Variants in VWA3B observed in about 807,000 individuals in gnomAD.
VWA3B encodes von Willebrand factor A domain containing 3B.
A neutral mutation model predicts 158.3 loss-of-function variants in VWA3B; 138 were observed. The observed-to-expected ratio is 0.87, with a 90% CI of 0.76 to 1.00. The LOEUF is 1.00. Ranked by LOEUF, VWA3B falls within the 50% of genes least tolerant of loss-of-function variation. The pLI is 0.00. For synonymous variants in VWA3B, 596 were observed against 587.3 expected (o/e 1.01, Z -0.21); for missense variants, 1,555 against 1,565.1 (o/e 0.99, Z 0.11).
intron 12 of VWA3B, among the ~76,000 whole-genome samples, chr2:98,196,317 A>T (rs1682035790): frequency 6.6e-6 from 1 of 152,336 alleles, no homozygotes; most frequent in South Asian, 2.1e-4. Flanking sequence ...TTTGTTAATT[A>T]GCTTGGTTTA....
intron 14 of VWA3B, among the ~76,000 whole-genome samples, chr2:98,226,789 A>G (rs574227389): frequency 6.6e-6 from 1 of 152,368 alleles, no homozygotes; most frequent in African/African-American, 2.4e-5. Flanking sequence ...ACTGAAGAGA[A>G]TCTACAGATG....
chr2:98,328,581 T>A, the VWA3B span, among the ~76,000 whole-genome samples: 2 of 152,144 alleles, frequency 1.3e-5, no homozygotes, highest in African/African-American at 2.4e-5. Context: ...AATCTTAAAA[T>A]TTTTAATTTA....
At chr2:98,260,650 TA>T (rs1286045814) in intron 21 of VWA3B, among the ~76,000 whole-genome samples, 2 of 151,776 alleles carry the variant, frequency 1.3e-5, no homozygotes, top group Non-Finnish European at 3.0e-5. Context: ...TACCAAGGCA[TA>T]ACTATACATA....
the VWA3B span, among the ~76,000 whole-genome samples, chr2:98,328,951 T>C: frequency 6.6e-6 from 1 of 152,134 alleles, no homozygotes; most frequent in African/African-American, 2.4e-5. Context: ...AAAGCTACAT[T>C]AAACAATAAG....
chr2:98,208,572 T>C (rs1340591765), intron 12 of VWA3B, among the ~76,000 whole-genome samples: 1 of 152,150 alleles, frequency 6.6e-6, no homozygotes, highest in Non-Finnish European at 1.5e-5. Flanking sequence ...TACATATATG[T>C]AACTTATCAC....
At chr2:98,267,041 T>C (rs987014746) in intron 21 of VWA3B, among the ~76,000 whole-genome samples, 3 of 151,898 alleles carry the variant, frequency 2.0e-5, no homozygotes, top group Non-Finnish European at 2.9e-5. Context: ...CCTTTATTTT[T>C]TTCTCCTACC....
At chr2:98,131,043 T>TG (rs1482690617) in intron 6 of VWA3B, among the ~76,000 whole-genome samples, 7 of 152,218 alleles carry the variant, frequency 4.6e-5, no homozygotes, top group Non-Finnish European at 1.0e-4. Context: ...TCTCACTGTA[T>TG]GAACCTACTC....
rs1369986379 is a variant in VWA3B, at chr2:98,093,075, T to G, written c.-18T>G. The G allele has an allele frequency of 3.1e-6, 5 of 1,611,564 alleles. No individual in the cohort carries two copies. Among genetic ancestry groups the G allele is most frequent in the Non-Finnish European group, 4.2e-6 (5 of 1,178,102 alleles). Reference sequence around the variant, plus strand: ...TGCCCTTACAGGAGTTTGCTGTGACTTAGATCTTGATTCAGAGATGGAGAA... The same window carrying G: ...TGCCCTTACAGGAGTTTGCTGTGACGTAGATCTTGATTCAGAGATGGAGAA... On this transcript the variant is annotated 5_prime_UTR_variant, in exon 2 of 28. Coordinates refer to ENST00000477737, the MANE Select transcript of VWA3B (RefSeq NM_144992.5).
At position 98,255,270 on chromosome 2, in the gene VWA3B, G is replaced by A. The variant is rs541157258; in HGVS notation, c.2793-854G>A. 7.6e-5 allele frequency among the ~76,000 whole-genome samples: 11 copies of A among 144,486 alleles called. No individual in the cohort carries two copies. The Admixed American group carries it at 7.8e-4, about 10-fold the overall frequency. 94.8% of individuals were successfully genotyped at this position (144,486 alleles called of 152,430 possible). A position where few individuals can be genotyped will look rare whatever the true frequency, so the allele number is the denominator to read the frequency against. Reference sequence around the variant, plus strand: ...TGGTCTCGAACTCCTGACCTCAGGTGATCCGCCCGCCTCGGCCTCCCAAAG... The same window carrying A: ...TGGTCTCGAACTCCTGACCTCAGGTAATCCGCCCGCCTCGGCCTCCCAAAG... On this transcript the variant is annotated intron_variant, in intron 20 of 27. Transcript: ENST00000477737.
At position 98,168,473 on chromosome 2, in the gene VWA3B, A is replaced by G. The variant is rs77462110; in HGVS notation, c.1114+5497A>G. Among the ~76,000 whole-genome samples, 328 of 152,222 alleles carry G rather than the reference A, an allele frequency of 2.2e-3. 2 individuals are homozygous for G. The highest frequency in any genetic ancestry group is 2.6e-3 in the Non-Finnish European group (174 of 68,014). ...AAAATTCTTTGAATGTCCTATCTCT[A>G]TTTAAAAAGGAAAGTTTGGCCGGGA... is the stretch of plus-strand genomic sequence containing the variant. On this transcript the variant is annotated intron_variant, in intron 8 of 27. Transcript: ENST00000477737.
At chr2:98,270,553 C>G (rs767893695) in intron 21 of VWA3B, 129 bp from the exon 22 acceptor site, 1 of 925,342 alleles carries the variant, frequency 1.1e-6, no homozygotes, top group African/African-American at 1.7e-5. Flanking sequence ...ACACCTGACA[C>G]TAGCTTCAAC....
intron 8 of VWA3B, among the ~76,000 whole-genome samples, chr2:98,168,972 C>T (rs774822921): frequency 3.9e-5 from 6 of 152,022 alleles, no homozygotes; most frequent in Middle Eastern, 6.3e-3. Context: ...AAACTATAGA[C>T]CCAGAGATCC....
intron 2 of VWA3B, among the ~76,000 whole-genome samples, chr2:98,101,293 A>G (rs568738489): frequency 4.6e-5 from 7 of 152,322 alleles, no homozygotes; most frequent in African/African-American, 1.7e-4. Context: ...TATACAACGT[A>G]TATATACTTT....
chr2:98,179,828 TTTTCTTTCTTTCTTTCTC>T (rs1680373996), intron 8 of VWA3B, among the ~76,000 whole-genome samples: 3 of 129,870 alleles, frequency 2.3e-5, no homozygotes, highest in Non-Finnish European at 5.0e-5. Context: ...CTTTCTTTCT[TTTTCTTTCTTTCTTTCTC>T]TCTTTTTCTT....
chr2:98,280,478 T>C (rs180761598), intron 22 of VWA3B, among the ~76,000 whole-genome samples: 2 of 152,314 alleles, frequency 1.3e-5, no homozygotes, highest in Admixed American at 6.5e-5. Flanking sequence ...GGTGCTGCCC[T>C]GGGGTCAGGG....
At chr2:98,087,691 T>C (rs1048502840) in intron 1 of VWA3B, among the ~76,000 whole-genome samples, 3 of 152,104 alleles carry the variant, frequency 2.0e-5, no homozygotes, top group Admixed American at 2.0e-4. Context: ...CAGTTCAAGG[T>C]GATGAAGTCC....
chr2:98,182,524 G>A (rs755643660), intron 9 of VWA3B, among the ~76,000 whole-genome samples: 13 of 152,200 alleles, frequency 8.5e-5, no homozygotes, highest in Non-Finnish European at 1.6e-4. Flanking sequence ...TTGCTACAGC[G>A]CAGGGAAAAT....
chr2:98,130,596 G>A (rs1675784216), intron 6 of VWA3B, among the ~76,000 whole-genome samples: 1 of 152,174 alleles, frequency 6.6e-6, no homozygotes, highest in African/African-American at 2.4e-5. Flanking sequence ...GACTCTTAAC[G>A]AGCATGCTGC....
chr2:98,220,922 A>G (rs1574118958), intron 14 of VWA3B, among the ~76,000 whole-genome samples: 3 of 152,268 alleles, frequency 2.0e-5, no homozygotes, highest in Admixed American at 2.0e-4. Flanking sequence ...CCGAACAATG[A>G]GAACACATGG....
Sources: allele counts gnomAD v4.1 joint callset (sites outside exome capture counted in the v4.1 genomes callset), GRCh38; gene constraint gnomAD v4.1.1; transcripts MANE v1.5; gene names NCBI Gene and HGNC (gene_info 2026-07-23, HGNC 2026-07-21).